The following ATP11C variants were observed in gnomAD, a reference collection of about 807,000 sequenced individuals.
The protein encoded by ATP11C is ATPase phospholipid transporting 11C (ATP11C blood group).
In ATP11C, 36 loss-of-function variants were observed where a neutral mutation model predicts 97.4. The observed-to-expected ratio is 0.37, with a 90% CI of 0.28 to 0.49. ATP11C has a LOEUF of 0.49. ATP11C is among the 20% of genes least tolerant of loss of function. The probability of loss-of-function intolerance (pLI) is 0.98; values close to 1 mark genes in which losing one functional copy is unlikely to be tolerated. For synonymous variants in ATP11C, 275 were observed against 290.9 expected (o/e 0.95, Z 0.56); for missense variants, 730 against 824.6 (o/e 0.89, Z 1.40).
At chrX:139,894,601 CT>C (rs769466266) in intron 1 of ATP11C, among the ~76,000 whole-genome samples, 40 of 110,984 alleles carry the variant, frequency 3.6e-4, no homozygotes, top group South Asian at 1.1e-3. Context: ...CAATAATCTA[CT>C]GTATATTTCA....
intron 1 of ATP11C, among the ~76,000 whole-genome samples, chrX:139,827,593 T>A (rs2147884167): frequency 9.0e-6 from 1 of 111,680 alleles, no homozygotes; most frequent in African/African-American, 3.2e-5. Flanking sequence ...CTTATATAAA[T>A]TTGGGACAGT....
intron 1 of ATP11C, among the ~76,000 whole-genome samples, chrX:139,923,683 A>T (rs747357912): frequency 8.9e-6 from 1 of 112,003 alleles, no homozygotes; most frequent in Non-Finnish European, 1.9e-5. Flanking sequence ...AGCTTACATA[A>T]TCTGCTCTAC....
At chrX:139,841,140 A>T (rs1283018564) in intron 1 of ATP11C, among the ~76,000 whole-genome samples, 2 of 112,767 alleles carry the variant, frequency 1.8e-5, no homozygotes, top group African/African-American at 6.4e-5. Flanking sequence ...TGATTAACAG[A>T]TATTATTTAT....
chrX:139,933,337 G>GA (rs2085477920), upstream of ATP11C, among the ~76,000 whole-genome samples: 1 of 111,778 alleles, frequency 8.9e-6, no homozygotes, highest in Non-Finnish European at 1.9e-5. Flanking sequence ...CTAGCGGTGG[G>GA]ACATGTGAGA....
intron 1 of ATP11C, among the ~76,000 whole-genome samples, chrX:139,874,553 T>C (rs917509521): frequency 1.8e-5 from 2 of 112,316 alleles, no homozygotes; most frequent in Non-Finnish European, 3.8e-5. Flanking sequence ...CAAGTGAATG[T>C]GTGTGGCTAG....
intron 6 of ATP11C, among the ~76,000 whole-genome samples, chrX:139,803,760 G>A (rs925193637): frequency 8.1e-5 from 7 of 86,559 alleles, no homozygotes; most frequent in African/African-American, 1.4e-4. Flanking sequence ...GTGCAGTGGC[G>A]TGATCTTGGC....
intron 5 of ATP11C, among the ~76,000 whole-genome samples, chrX:139,805,379 C>G (rs926280201): frequency 8.9e-6 from 1 of 111,778 alleles, no homozygotes; most frequent in African/African-American, 3.2e-5. Context: ...GTGTCTTAGA[C>G]GATTGCAACT....
At chrX:139,793,967 G>A (rs1327989806) in intron 12 of ATP11C, among the ~76,000 whole-genome samples, 1 of 111,790 alleles carries the variant, frequency 8.9e-6, no homozygotes, top group Non-Finnish European at 1.9e-5. Flanking sequence ...ACAGCTACTG[G>A]CTTAAATTAT....
At chrX:139,740,687 G>A (rs757749776) in intron 27 of ATP11C, among the ~76,000 whole-genome samples, 1 of 111,171 alleles carries the variant, frequency 9.0e-6, no homozygotes, top group African/African-American at 3.3e-5. Context: ...TGAAAATCAC[G>A]AGAGGTTGTG....
chrX:139,784,270 T>G (rs752445495), intron 16 of ATP11C, among the ~76,000 whole-genome samples: 28 of 107,695 alleles, frequency 2.6e-4, no homozygotes, highest in South Asian at 2.0e-3. Context: ...AAATGTTGTG[T>G]TTTTTTTTTC....
intron 26 of ATP11C, 39 bp from the exon 27 acceptor site, chrX:139,741,133 G>A (rs751641983): frequency 9.1e-6 from 8 of 878,431 alleles, no homozygotes; most frequent in East Asian, 6.2e-5. Flanking sequence ...CGACGGTTAC[G>A]AATTGCACCA....
intron 1 of ATP11C, among the ~76,000 whole-genome samples, chrX:139,910,542 G>A (rs1213466226): frequency 1.8e-5 from 2 of 108,342 alleles, no homozygotes; most frequent in Non-Finnish European, 3.8e-5. Flanking sequence ...GGGGGCAGAG[G>A]TTGCAGTGAG....
intron 28 of ATP11C, among the ~76,000 whole-genome samples, chrX:139,733,678 G>T (rs1274803367): frequency 9.0e-6 from 1 of 111,247 alleles, no homozygotes; most frequent in Non-Finnish European, 1.9e-5. Flanking sequence ...TCTATTTTAT[G>T]GGCAAAAACC....
chrX:139,834,901 T>C (rs1219039120), intron 1 of ATP11C, among the ~76,000 whole-genome samples: 2 of 112,527 alleles, frequency 1.8e-5, no homozygotes, highest in African/African-American at 3.2e-5. Context: ...CTTTTAACTT[T>C]GTGTAAGTCA....
At chrX:139,775,848 A>C (rs1176094805) in intron 18 of ATP11C, among the ~76,000 whole-genome samples, 1 of 112,724 alleles carries the variant, frequency 8.9e-6, no homozygotes, top group African/African-American at 3.2e-5. Context: ...GTGCTGCTGT[A>C]GTGGGCCAAT....
chrX:139,871,025 C>T (rs1314067144), intron 1 of ATP11C, among the ~76,000 whole-genome samples: 2 of 95,596 alleles, frequency 2.1e-5, no homozygotes, highest in Non-Finnish European at 4.1e-5. Context: ...CACTGCAGTC[C>T]GCAGTCCGAC....
chrX:139,763,220 G>T, intron 21 of ATP11C, 96 bp downstream of exon 21: 1 of 637,582 alleles, frequency 1.6e-6, no homozygotes, highest in Non-Finnish European at 2.4e-6. Flanking sequence ...AATTCAAGAT[G>T]AGTAACCAAA....
intron 1 of ATP11C, chrX:139,832,304 G>A: frequency 8.8e-7 from 1 of 1,131,612 alleles, no homozygotes; most frequent in Non-Finnish European, 1.2e-6. Flanking sequence ...CCCAGAACTT[G>A]GGAAGTGAGC....
chrX:139,920,856 T>G (rs1160682054), intron 1 of ATP11C, among the ~76,000 whole-genome samples: 1 of 111,585 alleles, frequency 9.0e-6, no homozygotes, highest in African/African-American at 3.3e-5. Context: ...GATAATAAAA[T>G]AATCAATTGC....
Sources: allele counts gnomAD v4.1 joint callset (sites outside exome capture counted in the v4.1 genomes callset), GRCh38; gene constraint gnomAD v4.1.1; transcripts MANE v1.5; gene names NCBI Gene and HGNC (gene_info 2026-07-23, HGNC 2026-07-21).